The following MAP2K2 variants were observed in gnomAD, a reference collection of about 807,000 sequenced individuals.
MAP2K2 encodes the protein dual specificity mitogen-activated protein kinase kinase 2.
MAP2K2 carries 24 observed loss-of-function variants against 43.7 expected under a neutral mutation model. The observed-to-expected ratio is 0.55, with a 90% CI of 0.40 to 0.77. MAP2K2 has a LOEUF of 0.77. Ranked by LOEUF, MAP2K2 falls within the 30% of genes least tolerant of loss-of-function variation. The probability of loss-of-function intolerance (pLI) is 0.00; values close to 1 mark genes in which losing one functional copy is unlikely to be tolerated. For missense variants in MAP2K2, 470 were observed against 566.8 expected (o/e 0.83, Z 1.73); for synonymous variants, 244 against 239.7 (o/e 1.02, Z -0.17).
At chr19:4,095,268 T>C in intron 9 of MAP2K2, 120 bp downstream of exon 9, 2 of 852,266 alleles carry the variant, frequency 2.3e-6, no homozygotes, top group East Asian at 5.4e-5. Context: ...GGCTGAGTCC[T>C]GCCTAACGCT....
chr19:4,110,257 T>C (rs905755133), intron 3 of MAP2K2, among the ~76,000 whole-genome samples: 1 of 152,044 alleles, frequency 6.6e-6, no homozygotes, highest in African/African-American at 2.4e-5. Context: ...TGAGCCGAGA[T>C]TGTGCCACTA....
chr19:4,123,901 G>C lies in MAP2K2; in HGVS notation c.-26C>G. 7.3e-7 allele frequency: 1 copy of C among 1,367,912 alleles called. No homozygotes were observed. Among genetic ancestry groups the C allele is most frequent in the Non-Finnish European group, 9.5e-7 (1 of 1,049,586 alleles). 84.7% of individuals were successfully genotyped at this position (1,367,912 alleles called of 1,614,324 possible). On this transcript the variant is annotated 5_prime_UTR_variant, in exon 1 of 11. Coordinates refer to ENST00000262948, the MANE Select transcript of MAP2K2 (RefSeq NM_030662.4). ...CGGGGCTCCGCGGGCCGGCGGCGGC[G>C]GCGCCTCTAGCCGGGGCCCATAGGG...
intron 2 of MAP2K2, among the ~76,000 whole-genome samples, chr19:4,113,622 C>T (rs961837796): frequency 1.3e-5 from 2 of 152,180 alleles, no homozygotes; most frequent in African/African-American, 4.8e-5. Flanking sequence ...CGTATTCTTT[C>T]CAGGACACCA....
rs2041014301 is a variant in MAP2K2, at chr19:4,101,681, G to A, written c.529-401C>T. ...TGTGCTAAGGGCCCCCAGATGGGAC[G>A]GGCTAAGGGTGCCTGGGAAGGACGA... On this transcript the variant is annotated intron_variant, in intron 4 of 10. Coordinates refer to ENST00000262948, the MANE Select transcript of MAP2K2 (RefSeq NM_030662.4). This position sits in a 1 kb window ranked among gnomAD's most constrained non-coding sequence, Gnocchi z 6.3. 2.0e-5 allele frequency among the ~76,000 whole-genome samples: 3 copies of A among 152,132 alleles called. No individual in the cohort carries two copies. The highest frequency in any genetic ancestry group is 4.4e-5 in the Non-Finnish European group (3 of 68,000).
At chr19:4,105,687 C>CTCTT (rs879923366) in intron 3 of MAP2K2, among the ~76,000 whole-genome samples, 1 of 152,124 alleles carries the variant, frequency 6.6e-6, no homozygotes, top group Non-Finnish European at 1.5e-5. Flanking sequence ...CTTCATCTCT[C>CTCTT]TCTTTCTTTC....
At chr19:4,094,706 G>A (rs2040890867) in intron 9 of MAP2K2, 1 of 592,990 alleles carries the variant, frequency 1.7e-6, no homozygotes, top group African/African-American at 1.8e-5. Flanking sequence ...CCAGGGGCAG[G>A]ACACCCCCCA....
At chr19:4,108,548 A>G (rs1467449616) in intron 3 of MAP2K2, among the ~76,000 whole-genome samples, 1 of 151,710 alleles carries the variant, frequency 6.6e-6, no homozygotes. Context: ...GCCCCTGGCT[A>G]GACCACCTCG....
rs2040885994 is a variant in MAP2K2 at position 4,094,472 on chromosome 19, G to A, written c.1073C>T (p.Ala358Val). The change falls in exon 10 of 11, where the codon GCG becomes GTG. Residue 358 changes from alanine to valine, a missense_variant. This residue lies in a region of MAP2K2 where 212 missense variants were observed against 220.8 expected (regional missense o/e 0.96). Transcript: ENST00000262948. ...KCLIKNPAERADLKMLTNHTF... is the reference protein window; with the variant it reads ...KCLIKNPAERVDLKMLTNHTF... The stretch of plus-strand genomic sequence containing the variant: ...ACTCACTGTGAGCATCTTCAGGTCC[G>A]CCCGCTCCGCTGGGTTCTTGATGAG... The A allele has an allele frequency of 3.2e-6, 5 of 1,567,476 alleles. No homozygotes were observed. The highest frequency in any genetic ancestry group is 1.9e-5 in the Admixed American group (1 of 52,602).
Position 4,102,219 on chromosome 19 carries a change from A to G in MAP2K2, c.528+157T>C, listed in dbSNP as rs16992208. On this transcript the variant is annotated intron_variant, in intron 4 of 10. Coordinates refer to ENST00000262948, the MANE Select transcript of MAP2K2 (RefSeq NM_030662.4). ...CCCCAAAAGGGACGTCACTTGTTCA[A>G]GCTCCACAGCAGGTGGGCACAGCCT... Among the ~76,000 whole-genome samples the G allele has an allele frequency of 1.7e-3, 261 of 152,314 alleles. 2 individuals carry two copies. Among genetic ancestry groups the G allele is most frequent in the African/African-American group, 5.8e-3 (242 of 41,576 alleles).
intron 1 of MAP2K2, among the ~76,000 whole-genome samples, chr19:4,119,062 T>A (rs932962173): frequency 6.6e-6 from 1 of 152,152 alleles, no homozygotes; most frequent in Non-Finnish European, 1.5e-5. Context: ...AGAGACAGGG[T>A]CCTGCTCTAC....
chr19:4,116,259 G>C (rs946183397), intron 2 of MAP2K2, among the ~76,000 whole-genome samples: 1 of 152,174 alleles, frequency 6.6e-6, no homozygotes, highest in Admixed American at 6.5e-5. Context: ...GCCCAGGCGC[G>C]GTGGCTCATG....
At chr19:4,119,324 C>A (rs2041265079) in intron 1 of MAP2K2, among the ~76,000 whole-genome samples, 1 of 152,116 alleles carries the variant, frequency 6.6e-6, no homozygotes, top group African/African-American at 2.4e-5. Flanking sequence ...CGGGTTCAAG[C>A]AATTCTCCTG....
chr19:4,111,652 C>T (rs574501483), intron 2 of MAP2K2, among the ~76,000 whole-genome samples: 2 of 152,182 alleles, frequency 1.3e-5, no homozygotes, highest in Non-Finnish European at 1.5e-5. Context: ...GCCAAAGATC[C>T]GCTCAAGAGA....
intron 2 of MAP2K2, among the ~76,000 whole-genome samples, chr19:4,116,972 G>T (rs936328902): frequency 5.9e-5 from 9 of 152,180 alleles, no homozygotes; most frequent in South Asian, 2.1e-4. Flanking sequence ...AGAAGGCACA[G>T]CAAAAACATG....
At chr19:4,121,968 ACCT>A (rs2041303339) in intron 1 of MAP2K2, among the ~76,000 whole-genome samples, 1 of 119,356 alleles carries the variant, frequency 8.4e-6, no homozygotes, top group Non-Finnish European at 1.7e-5. Context: ...TTGTCTATGG[ACCT>A]CCTCACCCCA....
intron 3 of MAP2K2, among the ~76,000 whole-genome samples, chr19:4,110,280 C>T (rs1272807515): frequency 6.6e-6 from 1 of 152,074 alleles, no homozygotes; most frequent in African/African-American, 2.4e-5. Context: ...AGATTCTAGC[C>T]TGAGTGACAG....
At chr19:4,095,247 G>T in intron 9 of MAP2K2, 141 bp downstream of exon 9, 1 of 706,150 alleles carries the variant, frequency 1.4e-6, no homozygotes. Flanking sequence ...AAGGAATCTG[G>T]CTTCCCGTTG....
intron 10 of MAP2K2, among the ~76,000 whole-genome samples, 158 bp downstream of exon 10, chr19:4,094,295 A>G (rs1327396066): frequency 2.6e-5 from 4 of 152,176 alleles, no homozygotes; most frequent in African/African-American, 9.6e-5. Context: ...AGAGAGACCC[A>G]CAGAGGGTCC....
At chr19:4,103,793 C>T (rs1212420546) in intron 3 of MAP2K2, among the ~76,000 whole-genome samples, 1 of 152,250 alleles carries the variant, frequency 6.6e-6, no homozygotes, top group Non-Finnish European at 1.5e-5. Context: ...CACGTGACTC[C>T]ATCCACCAGC....
Sources: allele counts gnomAD v4.1 joint callset (sites outside exome capture counted in the v4.1 genomes callset), GRCh38; gene constraint gnomAD v4.1.1; regional missense constraint gnomAD v4.1.1; non-coding constraint Gnocchi (gnomAD v3.1); transcripts MANE v1.5; gene names NCBI Gene and HGNC (gene_info 2026-07-23, HGNC 2026-07-21).